Variants in ART3 observed in about 807,000 individuals in gnomAD.
ART3 encodes ecto-ADP-ribosyltransferase 3.
In ART3, 49 loss-of-function variants were observed where a neutral mutation model predicts 48.5. That is an observed-to-expected ratio of 1.01 (90% CI 0.80 to 1.28). ART3 has a LOEUF of 1.28. Ranked by LOEUF, ART3 falls within the 50% of genes most tolerant of loss-of-function variation. The pLI is 0.00. For missense variants in ART3, 438 were observed against 454.3 expected, an observed-to-expected ratio of 0.96 and a Z score of 0.33; for synonymous variants, 145 against 157.2, an observed-to-expected ratio of 0.92 and a Z score of 0.58.
chr4:76,062,178 G>T (rs1193219806), intron 1 of ART3, among the ~76,000 whole-genome samples: 2 of 152,138 alleles, frequency 1.3e-5, no homozygotes, highest in Admixed American at 1.3e-4. Flanking sequence ...ATCTGCAAGA[G>T]GGATTACCCC....
At chr4:76,011,501 G>A (rs1731788295) in intron 1 of ART3, among the ~76,000 whole-genome samples, 2 of 152,208 alleles carry the variant, frequency 1.3e-5, no homozygotes, top group South Asian at 4.1e-4. Flanking sequence ...AGGGAACGAC[G>A]GCCCCAGAAG....
intron 1 of ART3, among the ~76,000 whole-genome samples, chr4:76,019,471 T>C (rs1732565257): frequency 6.9e-6 from 1 of 144,926 alleles, no homozygotes. Flanking sequence ...AAAAATTCAA[T>C]CTGATAAAAA....
intron 1 of ART3, among the ~76,000 whole-genome samples, chr4:76,063,069 C>A (rs1425074493): frequency 2.0e-5 from 3 of 152,100 alleles, no homozygotes; most frequent in African/African-American, 7.2e-5. Flanking sequence ...TGCCCCAACT[C>A]CCCACACTTC....
At chr4:76,106,732 C>T (rs1455984019) in intron 10 of ART3, among the ~76,000 whole-genome samples, 3 of 152,106 alleles carry the variant, frequency 2.0e-5, no homozygotes, top group Admixed American at 2.0e-4. Context: ...ACTCAAGAGA[C>T]TTCCCCCCCA....
chr4:76,106,527 C>T (rs1177100246), intron 10 of ART3: 1 of 186,070 alleles, frequency 5.4e-6, no homozygotes. Flanking sequence ...TGGACTGCTT[C>T]TGTGTCTCTT....
intron 1 of ART3, among the ~76,000 whole-genome samples, chr4:76,061,429 T>G (rs1719203152): frequency 6.6e-6 from 1 of 152,196 alleles, no homozygotes; most frequent in Admixed American, 6.5e-5. Flanking sequence ...TCCCACCACT[T>G]CTCACTTGGA....
At chr4:76,017,962 T>C (rs1732414335) in intron 1 of ART3, among the ~76,000 whole-genome samples, 1 of 152,226 alleles carries the variant, frequency 6.6e-6, no homozygotes, top group South Asian at 2.1e-4. Flanking sequence ...TTCAAGACCA[T>C]CTTTCCTACC....
intron 1 of ART3, among the ~76,000 whole-genome samples, chr4:76,025,967 C>T (rs377382071): frequency 6.6e-6 from 1 of 152,112 alleles, no homozygotes; most frequent in Non-Finnish European, 1.5e-5. Context: ...GATCACGTCA[C>T]TCTTCTGCTT....
At chr4:76,104,678 T>A in intron 10 of ART3, 49 bp downstream of exon 10, 1 of 1,547,784 alleles carries the variant, frequency 6.5e-7, no homozygotes, top group Non-Finnish European at 8.7e-7. Context: ...GTTTGGGGAG[T>A]ACAGTCACCA....
At chr4:76,078,513 A>G (rs773101964) in intron 2 of ART3, among the ~76,000 whole-genome samples, 4 of 152,160 alleles carry the variant, frequency 2.6e-5, no homozygotes, top group South Asian at 2.1e-4. Context: ...CTGAAGCTCA[A>G]ATTCCCATGT....
intron 1 of ART3, among the ~76,000 whole-genome samples, chr4:76,037,522 G>A (rs1007330111): frequency 6.6e-6 from 1 of 151,514 alleles, no homozygotes; most frequent in Admixed American, 6.6e-5. Context: ...TTCTGGAGTC[G>A]AGTGGCACAA....
At chr4:76,017,505 G>A (rs1732376740) in intron 1 of ART3, among the ~76,000 whole-genome samples, 1 of 151,808 alleles carries the variant, frequency 6.6e-6, no homozygotes, top group Admixed American at 6.6e-5. Context: ...GGAAGGAGTC[G>A]CTTTTATTGC....
At chr4:76,070,411 A>C (rs1720195639), upstream of ART3, among the ~76,000 whole-genome samples, 3 of 152,146 alleles carry the variant, frequency 2.0e-5, no homozygotes, top group Admixed American at 2.0e-4. Flanking sequence ...TTTAATTTGC[A>C]TTTACCTGAT....
At chr4:76,092,902 T>G (rs1038181239) in intron 3 of ART3, among the ~76,000 whole-genome samples, 2 of 152,222 alleles carry the variant, frequency 1.3e-5, no homozygotes, top group African/African-American at 4.8e-5. Flanking sequence ...CATAACAAAT[T>G]ACCACAAATT....
rs554679734 is a variant in ART3 at position 76,069,547 on chromosome 4, A to G, written c.-9-6334A>G. ...TGGGATTACAGGCACGCGCCACCAC[A>G]CTTGGCTAATTTTTGTATTTTTAGT... On this transcript the variant is annotated intron_variant, in intron 1 of 9. Coordinates refer to the ART3 transcript ENST00000341029. Among the ~76,000 whole-genome samples, 5 of 151,590 alleles carry G rather than the reference A, an allele frequency of 3.3e-5. No individual in the cohort carries two copies. In the South Asian group the frequency reaches 1.0e-3, roughly 32 times the overall value.
intron 1 of ART3, among the ~76,000 whole-genome samples, chr4:76,037,371 T>A (rs1305833118): frequency 6.6e-6 from 1 of 152,218 alleles, no homozygotes; most frequent in Non-Finnish European, 1.5e-5. Flanking sequence ...ACTGTATAAC[T>A]GGTAATCTGT....
Position 76,082,244 on chromosome 4 carries a change from A to G in ART3, c.490A>G (p.Thr164Ala), listed in dbSNP as rs762427544. The G allele has an allele frequency of 6.2e-7, 1 of 1,614,182 alleles. No homozygotes were observed. Among genetic ancestry groups the G allele is most frequent in the South Asian group, 1.1e-5 (1 of 91,088 alleles). ...EASSKTVVYR[T>A]SQGTSFTFGG... ...CAGTTCCAAAACTGTGGTATATAGA[A>G]CAAGCCAGGGCACTTCATTTACATT... The change falls in exon 3 of 12, where the codon ACA becomes GCA. Residue 164 changes from threonine (T) to alanine (A), a missense_variant. Around this residue, in one of 3 missense-constraint regions of ART3, gnomAD observed 206 missense variants for 205.3 expected, o/e 1.00. Transcript: ENST00000355810.
intron 1 of ART3, chr4:76,041,089 A>G (rs1000594142): frequency 3.3e-5 from 5 of 152,232 alleles, no homozygotes; most frequent in African/African-American, 1.2e-4. Context: ...TGGGTATTAG[A>G]GATAGAACAG....
At chr4:76,018,818 AGAAGTTT>A (rs1732497909) in intron 1 of ART3, among the ~76,000 whole-genome samples, 1 of 152,098 alleles carries the variant, frequency 6.6e-6, no homozygotes, top group African/African-American at 2.4e-5. Context: ...GCCTGAGCTC[AGAAGTTT>A]GAGACCAGCC....
Sources: gnomAD v4.1 joint callset for allele counts (sites outside exome capture counted in the v4.1 genomes callset) on GRCh38, gnomAD v4.1.1 for gene constraint, gnomAD v4.1.1 regional missense constraint, MANE v1.5 for transcripts, NCBI Gene and HGNC (gene_info 2026-07-23, HGNC 2026-07-21) for gene names.